Variants in TENM1 observed in about 807,000 individuals in gnomAD.
TENM1 encodes teneurin-1.
A neutral mutation model predicts 174.8 loss-of-function variants in TENM1; 35 were observed. The ratio of observed to expected loss-of-function variants is 0.20; its 90% CI spans 0.15 to 0.27. TENM1 has a LOEUF of 0.27. Among genes scored for constraint, TENM1 ranks in the 10% least tolerant of loss-of-function variants. TENM1 has a pLI of 1.00. For missense variants in TENM1, 1,633 were observed against 2,130.1 expected (o/e 0.77, Z 4.59); for synonymous variants, 781 against 798.7 (o/e 0.98, Z 0.37).
chrX:124,519,958 C>T (rs2047803467), intron 18 of TENM1, among the ~76,000 whole-genome samples: 1 of 111,497 alleles, frequency 9.0e-6, no homozygotes, highest in African/African-American at 3.3e-5. Flanking sequence ...ACCTGAAAAC[C>T]ATAGGCCCAA....
Position 124,795,834 on chromosome X carries a change from G to A in TENM1, c.536-58637C>T, listed in dbSNP as rs1270377675. On this transcript the variant is annotated intron_variant, in intron 3 of 31. Transcript: ENST00000422452. ...AAATGAAAGGCATGAGACAGCTCTG[G>A]ACTCCAGCTTATTTTGAGGATCTGC... Among the ~76,000 whole-genome samples the A allele has an allele frequency of 3.6e-5, 4 of 110,964 alleles. No individual in the cohort carries two copies. The East Asian group carries it at 8.5e-4, about 24-fold the overall frequency.
At chrX:125,019,599 A>G in the TENM1 span, among the ~76,000 whole-genome samples, 1 of 111,081 alleles carries the variant, frequency 9.0e-6, no homozygotes, top group Non-Finnish European at 1.9e-5. Context: ...TCTTATAATT[A>G]CAGTATGGTT....
chrX:125,189,348 T>C, the TENM1 span, among the ~76,000 whole-genome samples: 1 of 112,526 alleles, frequency 8.9e-6, no homozygotes, highest in Non-Finnish European at 1.9e-5. Context: ...GTCTTAATAC[T>C]GAATGTGGGC....
chrX:124,402,386 G>A (rs1184458599), intron 27 of TENM1, among the ~76,000 whole-genome samples: 1 of 111,936 alleles, frequency 8.9e-6, no homozygotes, highest in Non-Finnish European at 1.9e-5. Flanking sequence ...CCTTGAATTT[G>A]TTGCCCTTAT....
chrX:124,618,452 C>T (rs972958861), intron 11 of TENM1, among the ~76,000 whole-genome samples: 1 of 111,818 alleles, frequency 8.9e-6, no homozygotes, highest in Non-Finnish European at 1.9e-5. Context: ...AATTATTTTA[C>T]TTGGTTTTGT....
At chrX:124,471,397 A>G (rs189659326) in intron 22 of TENM1, among the ~76,000 whole-genome samples, 3,127 of 27,635 alleles carry the variant, frequency 0.11, 495 homozygotes, top group Middle Eastern at 0.25. Flanking sequence ...ACTATATATA[A>G]TATATATTAT....
chrX:124,691,968 A>G (rs1013175932), intron 5 of TENM1, among the ~76,000 whole-genome samples: 1 of 111,964 alleles, frequency 8.9e-6, no homozygotes, highest in Admixed American at 9.5e-5. Flanking sequence ...ATTTAAAAAA[A>G]TTACAGATAG....
the TENM1 span, among the ~76,000 whole-genome samples, chrX:125,042,049 A>T: frequency 8.9e-5 from 10 of 111,981 alleles, no homozygotes; most frequent in Non-Finnish European, 1.9e-4. Flanking sequence ...TTTTCAGTGA[A>T]TAATAAAACC....
Position 124,896,136 on chromosome X carries a change from T to C in TENM1, c.323A>G (p.Asp108Gly). 1 of 1,211,599 alleles carries C rather than the reference T, an allele frequency of 8.3e-7. No homozygotes were observed. The highest frequency in any genetic ancestry group is 1.1e-6 in the Non-Finnish European group (1 of 895,424). ...TGAGGCAGCACCTTCTGTCTCTGTG[T>C]CCACATCAGATCCCATCTCTAGCTG... The change falls in exon 2 of 32, where the codon GAC becomes GGC. Residue 108 changes from aspartate (D) to glycine (G), a missense_variant. By Grantham distance (94) the Asp-to-Gly change is moderately conservative. Transcript: ENST00000422452.
the TENM1 span, among the ~76,000 whole-genome samples, chrX:125,162,154 T>C: frequency 8.9e-6 from 1 of 111,804 alleles, no homozygotes; most frequent in East Asian, 2.8e-4. Flanking sequence ...GTTAATATTA[T>C]GAGGGGCAAA....
At chrX:124,769,768 T>C (rs894452963) in intron 3 of TENM1, among the ~76,000 whole-genome samples, 2 of 112,257 alleles carry the variant, frequency 1.8e-5, no homozygotes, top group African/African-American at 6.5e-5. Context: ...TGTATCTATC[T>C]GACTGAGTGA....
chrX:125,136,304 C>T, the TENM1 span, among the ~76,000 whole-genome samples: 2 of 111,178 alleles, frequency 1.8e-5, no homozygotes, highest in African/African-American at 3.3e-5. Flanking sequence ...TGCCAAGGTG[C>T]TCTAAGTTCA....
At chrX:124,548,719 G>C (rs112897031) in intron 14 of TENM1, among the ~76,000 whole-genome samples, 3 of 111,647 alleles carry the variant, frequency 2.7e-5, no homozygotes, top group African/African-American at 9.8e-5. Flanking sequence ...CAAGTTACTA[G>C]CACTGATTTC....
the TENM1 span, among the ~76,000 whole-genome samples, chrX:125,029,429 A>ATCC: frequency 1.0e-3 from 114 of 111,181 alleles, no homozygotes; most frequent in African/African-American, 3.7e-3. Flanking sequence ...AAAGCAAAAC[A>ATCC]TCCTAGCAGG....
intron 20 of TENM1, among the ~76,000 whole-genome samples, chrX:124,489,974 T>C (rs1282194987): frequency 9.0e-6 from 1 of 111,557 alleles, no homozygotes; most frequent in Non-Finnish European, 1.9e-5. Flanking sequence ...CCTTCCCCCA[T>C]GCTCTGGCTC....
intron 18 of TENM1, among the ~76,000 whole-genome samples, chrX:124,510,775 T>TACACACACACACACATAC (rs1556652504): frequency 9.7e-6 from 1 of 103,543 alleles, no homozygotes; most frequent in African/African-American, 3.6e-5. Context: ...CATGGGGAGA[T>TACACACACACACACATAC]ACACACACAC....
intron 20 of TENM1, 43 bp from the exon 24 acceptor site, chrX:124,487,272 C>G (rs1047658241): frequency 1.8e-6 from 2 of 1,125,982 alleles, no homozygotes; most frequent in Non-Finnish European, 2.4e-6. Flanking sequence ...CAAAAGCAAA[C>G]AGAGAGTCAT....
upstream of TENM1, among the ~76,000 whole-genome samples, chrX:124,967,267 C>T (rs193060997): frequency 1.7e-3 from 184 of 111,243 alleles, 3 homozygotes; most frequent in Admixed American, 5.9e-3. Context: ...AGTTGTCTTA[C>T]TTTGCTACAA....
At chrX:124,975,330 TAAAC>T in the TENM1 span, among the ~76,000 whole-genome samples, 5 of 111,526 alleles carry the variant, frequency 4.5e-5, no homozygotes, top group Non-Finnish European at 9.4e-5. Context: ...TTTCCACAAA[TAAAC>T]AATCATATTC....
Sources: gnomAD v4.1 joint callset for allele counts (sites outside exome capture counted in the v4.1 genomes callset) on GRCh38, gnomAD v4.1.1 for gene constraint, MANE v1.5 for transcripts, NCBI Gene and HGNC (gene_info 2026-07-23, HGNC 2026-07-21) for gene names.